The following PCSK5 variants were observed in gnomAD, a reference collection of about 807,000 sequenced individuals.
PCSK5 encodes proprotein convertase subtilisin/kexin type 5.
In PCSK5, 129 loss-of-function variants were observed where a neutral mutation model predicts 233.2. The ratio of observed to expected loss-of-function variants is 0.55; its 90% confidence interval spans 0.48 to 0.64. PCSK5 has a LOEUF of 0.64. PCSK5 is among the 30% of genes least tolerant of loss of function. The pLI, the probability that PCSK5 is intolerant of heterozygous loss-of-function variation, is 0.00. For missense variants in PCSK5, 2,076 were observed against 2,430.1 expected (o/e 0.85, Z 3.06); for synonymous variants, 825 against 879.2 (o/e 0.94, Z 1.09).
intron 2 of PCSK5, among the ~76,000 whole-genome samples, chr9:75,983,819 G>C (rs1826380602): frequency 1.3e-5 from 2 of 152,088 alleles, no homozygotes; most frequent in African/African-American, 4.8e-5. Flanking sequence ...TCCTTAAAGA[G>C]CTCAAGGATA....
intron 11 of PCSK5, 70 bp from the exon 12 acceptor site, chr9:76,158,913 T>TA (rs1822724468): frequency 7.9e-7 from 1 of 1,263,850 alleles, no homozygotes; most frequent in African/African-American, 1.5e-5. Flanking sequence ...ATTTATTCCA[T>TA]GCCTCCAGGT....
At chr9:76,193,548 A>AT (rs1824530944) in intron 20 of PCSK5, 2 of 505,872 alleles carry the variant, frequency 4.0e-6, no homozygotes, top group Non-Finnish European at 6.9e-6. Flanking sequence ...ATGGAAAAAA[A>AT]AATAAAACTA....
intron 5 of PCSK5, among the ~76,000 whole-genome samples, chr9:76,060,333 C>G (rs6560493): frequency 0.14 from 20,825 of 152,088 alleles, 1,590 homozygotes; most frequent in East Asian, 0.36. Flanking sequence ...ATACTATATT[C>G]TTACAATTAA....
intron 20 of PCSK5, among the ~76,000 whole-genome samples, chr9:76,198,379 A>C (rs1824781711): frequency 1.3e-5 from 2 of 152,162 alleles, no homozygotes; most frequent in Non-Finnish European, 2.9e-5. Context: ...ACAGTACATT[A>C]TTTTAAAAAT....
chr9:76,182,339 G>C (rs569864355), intron 16 of PCSK5, among the ~76,000 whole-genome samples: 1 of 152,250 alleles, frequency 6.6e-6, no homozygotes, highest in South Asian at 2.1e-4. Flanking sequence ...AGAGTAGAAT[G>C]AACATTTGTC....
chr9:76,130,766 C>T (rs1210830858), intron 9 of PCSK5, among the ~76,000 whole-genome samples: 1 of 151,938 alleles, frequency 6.6e-6, no homozygotes, highest in African/African-American at 2.4e-5. Context: ...ATGTGACTCT[C>T]TTCATATATA....
chr9:76,286,106 T>C (rs148277861), intron 24 of PCSK5, among the ~76,000 whole-genome samples: 36 of 152,352 alleles, frequency 2.4e-4, no homozygotes, highest in Non-Finnish European at 4.0e-4. Flanking sequence ...CCAGTGGACA[T>C]AAATGTGTTC....
chr9:76,071,935 A>T (rs1316270521), intron 7 of PCSK5, 37 bp downstream of exon 7: 1 of 1,557,062 alleles, frequency 6.4e-7, no homozygotes, highest in African/African-American at 1.4e-5. Flanking sequence ...TACTGTGTGG[A>T]TGGGTGATGA....
chr9:76,208,065 C>T (rs943123916), intron 20 of PCSK5, among the ~76,000 whole-genome samples: 2 of 152,066 alleles, frequency 1.3e-5, no homozygotes, highest in African/African-American at 4.8e-5. Flanking sequence ...TTATCAGGAG[C>T]CCTCTCTCAC....
intron 5 of PCSK5, among the ~76,000 whole-genome samples, chr9:76,058,995 G>A (rs1316777903): frequency 1.3e-5 from 2 of 151,282 alleles, no homozygotes; most frequent in African/African-American, 2.4e-5. Context: ...CCACACAGAC[G>A]AAAAAAAAGA....
chr9:76,003,129 C>T (rs1210833175), intron 3 of PCSK5, among the ~76,000 whole-genome samples: 5 of 152,116 alleles, frequency 3.3e-5, no homozygotes, highest in East Asian at 1.9e-4. Flanking sequence ...CAGAGGACTA[C>T]GAGGCTATGG....
chr9:76,093,439 T>A (rs1831380854), intron 7 of PCSK5, among the ~76,000 whole-genome samples: 1 of 152,100 alleles, frequency 6.6e-6, no homozygotes, highest in East Asian at 1.9e-4. Context: ...CCATTTTGTA[T>A]CCTATGTTTG....
chr9:76,226,710 T>C (rs555659133), intron 20 of PCSK5, among the ~76,000 whole-genome samples: 10 of 152,308 alleles, frequency 6.6e-5, no homozygotes, highest in African/African-American at 1.9e-4. Flanking sequence ...TCAATTTTTT[T>C]TAAGACAATA....
chr9:76,005,113 C>T (rs1449163946), intron 3 of PCSK5, among the ~76,000 whole-genome samples: 2 of 152,208 alleles, frequency 1.3e-5, no homozygotes, highest in Non-Finnish European at 2.9e-5. Context: ...CATATCCATA[C>T]ATTTACTACA....
intron 10 of PCSK5, among the ~76,000 whole-genome samples, chr9:76,153,792 C>A (rs1226652091): frequency 6.6e-6 from 1 of 152,174 alleles, no homozygotes; most frequent in Non-Finnish European, 1.5e-5. Flanking sequence ...AATAACATTT[C>A]TCTTCTAGGC....
chr9:76,272,628 A>C (rs1427393108), intron 24 of PCSK5, among the ~76,000 whole-genome samples: 1 of 151,708 alleles, frequency 6.6e-6, no homozygotes, highest in Non-Finnish European at 1.5e-5. Flanking sequence ...CAAAAAAATT[A>C]GCTGGGCATG....
chr9:76,067,937 T>C lies in PCSK5; in HGVS notation c.633-18T>C. The C allele has an allele frequency of 6.2e-7, 1 of 1,602,730 alleles. No individual in the cohort carries two copies. Among genetic ancestry groups the C allele is most frequent in the Non-Finnish European group, 8.5e-7 (1 of 1,170,218 alleles). On this transcript the variant is annotated intron_variant, in intron 5 of 37. Transcript: ENST00000674117. ...ATGGTGTGTCTTACTTGAGAAAGTG[T>C]GTGTGTTCTGCCTGCAGGCATGGGA...
At chr9:75,983,768 G>T (rs1826378225) in intron 2 of PCSK5, among the ~76,000 whole-genome samples, 1 of 152,106 alleles carries the variant, frequency 6.6e-6, no homozygotes, top group African/African-American at 2.4e-5. Flanking sequence ...AGGCTTCTTG[G>T]CAAGAAATAA....
rs144064283 is a variant in PCSK5, at chr9:76,334,939, G to A, written c.4748+2329G>A. ...TTAACAATACAAAAATTAGCAGGGT[G>A]TGCAGGCAGGCACCTGTGATCCCAG... On this transcript the variant is annotated intron_variant, in intron 34 of 37. Coordinates refer to ENST00000674117, the MANE Select transcript of PCSK5 (RefSeq NM_001372043.1). 4.3e-3 allele frequency among the ~76,000 whole-genome samples: 655 copies of A among 152,178 alleles called. 7 individuals are homozygous for A. The highest frequency in any genetic ancestry group is 0.014 in the African/African-American group (601 of 41,512).
Sources: gnomAD v4.1 joint callset for allele counts (sites outside exome capture counted in the v4.1 genomes callset) on GRCh38, gnomAD v4.1.1 for gene constraint, MANE v1.5 for transcripts, NCBI Gene and HGNC (gene_info 2026-07-23, HGNC 2026-07-21) for gene names.